The following SPOCK1 variants were observed in gnomAD, a reference collection of about 807,000 sequenced individuals.
SPOCK1 encodes the protein SPARC (osteonectin), cwcv and kazal like domains proteoglycan 1, also known as testican-1.
A neutral mutation model predicts 55.3 loss-of-function variants in SPOCK1; 23 were observed. The observed-to-expected ratio is 0.42, with a 90% CI of 0.30 to 0.59. The LOEUF (loss-of-function observed/expected upper bound fraction) is 0.59. Ranked by LOEUF, SPOCK1 falls within the 20% of genes least tolerant of loss-of-function variation. The pLI is 0.22. For missense variants in SPOCK1, 499 were observed against 552.5 expected (o/e 0.90, Z 0.97); for synonymous variants, 226 against 221.0 (o/e 1.02, Z -0.20).
At chr5:137,408,902 G>A (rs574981072) in intron 2 of SPOCK1, among the ~76,000 whole-genome samples, 8 of 152,264 alleles carry the variant, frequency 5.3e-5, no homozygotes, top group South Asian at 4.2e-4. Context: ...AAAAATGGGA[G>A]GATAACTCCA....
chr5:137,163,679 G>A lies in SPOCK1; in HGVS notation c.233-22985C>T, dbSNP rs1186185414. Among the ~76,000 whole-genome samples the A allele has an allele frequency of 7.2e-5, 11 of 152,078 alleles. No individual in the cohort carries two copies. The South Asian group carries it at 1.0e-3, about 14-fold the overall frequency. On this transcript the variant is annotated intron_variant, in intron 3 of 10. Coordinates refer to ENST00000394945, the MANE Select transcript of SPOCK1 (RefSeq NM_004598.4). ...CATAAAATAATTAGTCCAAGTTAGC[G>A]GAACTCACCCTCAGGTCTGTCAGCC...
At chr5:137,302,593 A>G (rs972122733) in intron 2 of SPOCK1, among the ~76,000 whole-genome samples, 1 of 147,794 alleles carries the variant, frequency 6.8e-6, no homozygotes, top group Non-Finnish European at 1.5e-5. Context: ...TAAATAAATA[A>G]ATAAATAAAT....
chr5:137,188,971 C>G (rs550516757), intron 3 of SPOCK1, among the ~76,000 whole-genome samples: 1 of 152,232 alleles, frequency 6.6e-6, no homozygotes, highest in Non-Finnish European at 1.5e-5. Flanking sequence ...CCAGTCAAAA[C>G]CTTCCTTAAG....
In SPOCK1 at chr5:136,976,043, A is replaced by T. The variant is rs1388846502; in HGVS notation, c.*2611T>A. ...TGTGTACTTGGTCACTATACAAGTG[A>T]CTTCTTGTCACTGGTACAAGTGGAC... On this transcript the variant is annotated 3_prime_UTR_variant, in exon 11 of 11. Transcript: ENST00000394945. 1 of 152,194 alleles carries T rather than the reference A, an allele frequency of 6.6e-6. No individual in the cohort carries two copies. Among genetic ancestry groups the T allele is most frequent in the African/African-American group, 2.4e-5 (1 of 41,448 alleles). The allele number at this position is 152,194 out of a possible 1,614,324, so 9.4% of individuals were successfully genotyped here.
chr5:137,142,523 G>T (rs941755098), intron 3 of SPOCK1, among the ~76,000 whole-genome samples: 1 of 152,290 alleles, frequency 6.6e-6, no homozygotes, highest in Middle Eastern at 3.4e-3. Context: ...CCCAGGGCCC[G>T]GTCCTAGGGG....
At chr5:137,189,534 A>G (rs1580798576) in intron 3 of SPOCK1, among the ~76,000 whole-genome samples, 1 of 152,196 alleles carries the variant, frequency 6.6e-6, no homozygotes, top group Non-Finnish European at 1.5e-5. Flanking sequence ...CGGTTACGAT[A>G]CCTACCACTC....
intron 2 of SPOCK1, among the ~76,000 whole-genome samples, chr5:137,446,486 TGA>T (rs919564786): frequency 1.3e-5 from 2 of 151,976 alleles, no homozygotes; most frequent in Admixed American, 6.6e-5. Context: ...ATCCCACAGG[TGA>T]GAGATCCCAG....
chr5:137,020,184 A>G (rs1751539198), intron 6 of SPOCK1, among the ~76,000 whole-genome samples: 1 of 151,872 alleles, frequency 6.6e-6, no homozygotes, highest in African/African-American at 2.4e-5. Context: ...AGGTTAAATT[A>G]TAACAGAATG....
At chr5:137,486,913 G>C (rs1408202566) in intron 2 of SPOCK1, among the ~76,000 whole-genome samples, 1 of 152,208 alleles carries the variant, frequency 6.6e-6, no homozygotes, top group Non-Finnish European at 1.5e-5. Flanking sequence ...AAGGCTGGCT[G>C]ACTCAGATGG....
chr5:137,204,397 G>C (rs1334330566), intron 3 of SPOCK1, among the ~76,000 whole-genome samples: 1 of 152,094 alleles, frequency 6.6e-6, no homozygotes, highest in African/African-American at 2.4e-5. Context: ...ACTCAGCTCT[G>C]ATGGAAAACT....
At chr5:137,036,673 A>G (rs1158500160) in intron 6 of SPOCK1, among the ~76,000 whole-genome samples, 1 of 152,218 alleles carries the variant, frequency 6.6e-6, no homozygotes, top group Non-Finnish European at 1.5e-5. Flanking sequence ...GCACTGAGGC[A>G]GTCATTTTAC....
intron 4 of SPOCK1, among the ~76,000 whole-genome samples, chr5:137,119,673 T>C (rs1753651821): frequency 6.6e-6 from 1 of 152,194 alleles, no homozygotes; most frequent in Non-Finnish European, 1.5e-5. Context: ...TGCCTGAGGG[T>C]GTCCCAAGCA....
At chr5:137,022,688 T>C (rs1368734095) in intron 6 of SPOCK1, among the ~76,000 whole-genome samples, 1 of 152,146 alleles carries the variant, frequency 6.6e-6, no homozygotes, top group Non-Finnish European at 1.5e-5. Flanking sequence ...TTATATCAAT[T>C]TACATGTCTC....
At chr5:137,283,890 C>A (rs894066701) in intron 2 of SPOCK1, among the ~76,000 whole-genome samples, 3 of 152,142 alleles carry the variant, frequency 2.0e-5, no homozygotes, top group Non-Finnish European at 4.4e-5. Context: ...GAGCAAGGAC[C>A]CAGGTCCTAG....
rs181310944 is a variant in SPOCK1 at position 137,093,976 on chromosome 5, G to A, written c.474+18459C>T. ...ACAGGCAAACACTGATGGAAACAGA[G>A]ACCAGTAATGAGACCATGCAATGTC... On this transcript the variant is annotated intron_variant, in intron 5 of 10. Transcript: ENST00000394945. Among the ~76,000 whole-genome samples the A allele has an allele frequency of 1.8e-3, 273 of 152,326 alleles. 2 individuals are homozygous for A. Among genetic ancestry groups the A allele is most frequent in the Middle Eastern group, 0.01 (3 of 294 alleles).
chr5:137,115,030 C>G (rs1238551167), intron 4 of SPOCK1, among the ~76,000 whole-genome samples: 1 of 152,178 alleles, frequency 6.6e-6, no homozygotes, highest in Non-Finnish European at 1.5e-5. Context: ...CTATCAATCA[C>G]CAGTTAATGA....
intron 4 of SPOCK1, among the ~76,000 whole-genome samples, chr5:137,136,989 A>G (rs1753996865): frequency 6.6e-6 from 1 of 152,188 alleles, no homozygotes; most frequent in Non-Finnish European, 1.5e-5. Context: ...TTGGCCCCCC[A>G]CTGAAATTGC....
intron 3 of SPOCK1, among the ~76,000 whole-genome samples, chr5:137,189,793 C>A (rs1755142382): frequency 6.6e-6 from 1 of 152,038 alleles, no homozygotes; most frequent in Non-Finnish European, 1.5e-5. Context: ...AAATTGAAAA[C>A]CTTCCGAAAA....
intron 2 of SPOCK1, among the ~76,000 whole-genome samples, chr5:137,394,770 T>C (rs1407396113): frequency 6.6e-6 from 1 of 152,042 alleles, no homozygotes; most frequent in Non-Finnish European, 1.5e-5. Context: ...TGTTATAAAG[T>C]GTAATAGGGT....
Sources: allele counts gnomAD v4.1 joint callset (sites outside exome capture counted in the v4.1 genomes callset), GRCh38; gene constraint gnomAD v4.1.1; transcripts MANE v1.5; gene names NCBI Gene and HGNC (gene_info 2026-07-23, HGNC 2026-07-21).